The following ABLIM1 variants were observed in gnomAD, a reference collection of about 807,000 sequenced individuals.
ABLIM1 encodes the protein actin-binding LIM protein 1.
Under a neutral mutation model 107.0 loss-of-function variants are expected in ABLIM1, and 40 were observed. That is an observed-to-expected ratio of 0.37 (90% CI 0.29 to 0.49). ABLIM1 has a LOEUF of 0.49. ABLIM1 is among the 20% of genes least tolerant of loss of function. The pLI is 0.97. For synonymous variants in ABLIM1, 357 were observed against 357.3 expected (o/e 1.00, Z 0.01); for missense variants, 857 against 1,008.5 (o/e 0.85, Z 2.04).
At chr10:114,667,969 G>A (rs1191448951) in intron 1 of ABLIM1, among the ~76,000 whole-genome samples, 4 of 152,134 alleles carry the variant, frequency 2.6e-5, no homozygotes, top group African/African-American at 9.7e-5. Context: ...CAAATGCAAT[G>A]TCTACCTTTG....
intron 1 of ABLIM1, among the ~76,000 whole-genome samples, chr10:114,675,957 C>T (rs768289361): frequency 3.3e-5 from 5 of 152,094 alleles, no homozygotes; most frequent in Non-Finnish European, 5.9e-5. Context: ...CTTTTTTTAA[C>T]GACATCTCAT....
intron 1 of ABLIM1, among the ~76,000 whole-genome samples, chr10:114,679,635 C>CAAAAAAA: frequency 1.2e-5 from 1 of 86,308 alleles, no homozygotes; most frequent in African/African-American, 3.8e-5. Context: ...AACTCCGTCT[C>CAAAAAAA]AAAAAAAAAA....
chr10:114,541,755 G>A (rs1565879568), intron 6 of ABLIM1, among the ~76,000 whole-genome samples: 1 of 152,236 alleles, frequency 6.6e-6, no homozygotes, highest in Admixed American at 6.5e-5. Context: ...AGAGGTCTCT[G>A]CAGCCACAGT....
chr10:114,522,535 C>G (rs925268122), intron 6 of ABLIM1, among the ~76,000 whole-genome samples: 1 of 152,148 alleles, frequency 6.6e-6, no homozygotes, highest in Non-Finnish European at 1.5e-5. Flanking sequence ...CATAAGGAAC[C>G]AGCTGCACAG....
At chr10:114,588,730 C>T (rs1207594248) in intron 2 of ABLIM1, among the ~76,000 whole-genome samples, 1 of 151,894 alleles carries the variant, frequency 6.6e-6, no homozygotes, top group East Asian at 1.9e-4. Context: ...GTCTCAAACT[C>T]CTGAACTCAA....
At chr10:114,610,407 C>T (rs142929002) in intron 1 of ABLIM1, among the ~76,000 whole-genome samples, 23 of 152,168 alleles carry the variant, frequency 1.5e-4, no homozygotes, top group Non-Finnish European at 3.1e-4. Context: ...GTCCTATTCT[C>T]ATGGCAGTCT....
At chr10:114,717,991 AAAGGAAGGAAGGAAGG>A (rs3061776) in intron 1 of ABLIM1, among the ~76,000 whole-genome samples, 9 of 86,858 alleles carry the variant, frequency 1.0e-4, no homozygotes, top group East Asian at 7.6e-4. Context: ...AGAAAGAAAG[AAAGGAAGGAAGGAAGG>A]AAGGAAGGAA....
rs2058901887 is a variant in ABLIM1 at position 114,431,971 on chromosome 10, A to G, written c.*4289T>C. The G allele has an allele frequency of 9.3e-6, 1 of 107,378 alleles. No homozygotes were observed. The highest frequency in any genetic ancestry group is 2.1e-5 in the Non-Finnish European group (1 of 47,968). The allele number at this position is 107,378 out of a possible 1,614,324, so 6.7% of individuals were successfully genotyped here. A position where few individuals can be genotyped will look rare whatever the true frequency, so the allele number is the denominator to read the frequency against. ...CTGCTTCCTGGGCCGCAAACAGAAA[A>G]ATAAACAGTGATTAAAAAAAAATGC... On this transcript the variant is annotated 3_prime_UTR_variant, in exon 23 of 23. Coordinates refer to ENST00000533213, the MANE Select transcript of ABLIM1 (RefSeq NM_002313.7).
At chr10:114,734,058 C>A (rs1272463100) in intron 1 of ABLIM1, among the ~76,000 whole-genome samples, 6 of 151,968 alleles carry the variant, frequency 3.9e-5, no homozygotes, top group Non-Finnish European at 8.8e-5. Context: ...TGGGGTTTCG[C>A]CATGTTGGTC....
At chr10:114,527,664 T>TTTC (rs1454627945) in intron 6 of ABLIM1, among the ~76,000 whole-genome samples, 2 of 149,106 alleles carry the variant, frequency 1.3e-5, no homozygotes, top group African/African-American at 2.5e-5. Flanking sequence ...CTTGTCTTTT[T>TTTC]TTTTTTTTTT....
In ABLIM1 at chr10:114,634,133, T is replaced by TTTTTTTTTTTC. The variant is rs1566147940; in HGVS notation, c.244+23823_244+23824insGAAAAAAAAAA. 8.9e-5 allele frequency among the ~76,000 whole-genome samples: 8 copies of TTTTTTTTTTTC among 90,018 alleles called. 1 individual carries two copies. Among genetic ancestry groups the TTTTTTTTTTTC allele is most frequent in the African/African-American group, 2.7e-4 (6 of 22,004 alleles). 59.1% of individuals were successfully genotyped at this position (90,018 alleles called of 152,430 possible). On this transcript the variant is annotated intron_variant, in intron 1 of 22. Transcript: ENST00000533213. ...AATGCCATTAGCTCAATTTTTCTTT[T>TTTTTTTTTTTC]TTTTTTTTTTTTTTTTTGAGACGGA...
intron 3 of ABLIM1, among the ~76,000 whole-genome samples, chr10:114,573,521 A>AGGGTC (rs922620456): frequency 2.6e-5 from 4 of 152,218 alleles, no homozygotes; most frequent in African/African-American, 9.6e-5. Context: ...ATGACCTCTC[A>AGGGTC]GGGTCAGGAT....
chr10:114,785,158 A>G, the ABLIM1 span, among the ~76,000 whole-genome samples: 1 of 152,220 alleles, frequency 6.6e-6, no homozygotes, highest in African/African-American at 2.4e-5. Flanking sequence ...CAGTTTATAA[A>G]TCAACACACA....
the ABLIM1 span, among the ~76,000 whole-genome samples, chr10:114,783,903 A>G: frequency 2.0e-5 from 3 of 152,088 alleles, no homozygotes; most frequent in Non-Finnish European, 4.4e-5. Context: ...GGGAGCATAA[A>G]ATAAAGAAGG....
At chr10:114,704,338 C>A (rs217196) in intron 1 of ABLIM1, among the ~76,000 whole-genome samples, 3,693 of 89,546 alleles carry the variant, frequency 0.041, 120 homozygotes, top group Middle Eastern at 0.11. Context: ...ATATATATTG[C>A]GCGCGTTACA....
intron 2 of ABLIM1, among the ~76,000 whole-genome samples, chr10:114,579,198 TTGTA>T: frequency 6.6e-6 from 1 of 152,134 alleles, no homozygotes; most frequent in Non-Finnish European, 1.5e-5. Context: ...TTAACAACAT[TTGTA>T]TTGGCAGGAA....
At chr10:114,542,458 A>C (rs1343453927) in intron 6 of ABLIM1, among the ~76,000 whole-genome samples, 1 of 151,214 alleles carries the variant, frequency 6.6e-6, no homozygotes, top group Non-Finnish European at 1.5e-5. Flanking sequence ...AAAGAAAAGA[A>C]GAAGATGATG....
intron 10 of ABLIM1, among the ~76,000 whole-genome samples, chr10:114,472,030 C>A (rs774379198): frequency 6.6e-6 from 1 of 151,844 alleles, no homozygotes; most frequent in Non-Finnish European, 1.5e-5. Context: ...GGCTGAGAGG[C>A]TCTGGTCCCG....
chr10:114,679,928 TC>T (rs1332203327), intron 1 of ABLIM1, among the ~76,000 whole-genome samples: 1 of 152,230 alleles, frequency 6.6e-6, no homozygotes, highest in Non-Finnish European at 1.5e-5. Flanking sequence ...ATAGTTGTTA[TC>T]CCCTAATTTT....
Sources: allele counts gnomAD v4.1 joint callset (sites outside exome capture counted in the v4.1 genomes callset), GRCh38; gene constraint gnomAD v4.1.1; transcripts MANE v1.5; gene names NCBI Gene and HGNC (gene_info 2026-07-23, HGNC 2026-07-21).